Variants in PTGR2 observed in about 807,000 individuals in gnomAD.
PTGR2 encodes the protein prostaglandin reductase 2, also known as 15-oxoprostaglandin 13-reductase.
PTGR2 carries 32 observed loss-of-function variants against 43.4 expected under a neutral mutation model. That is an observed-to-expected ratio of 0.74 (90% confidence interval 0.56 to 0.99). PTGR2 has a LOEUF of 0.99. Among genes scored for constraint, PTGR2 ranks in the 50% least tolerant of loss-of-function variants. The probability of loss-of-function intolerance (pLI) is 0.00; values close to 1 mark genes in which losing one functional copy is unlikely to be tolerated. For missense variants in PTGR2, 373 were observed against 420.0 expected (o/e 0.89, Z 0.98); for synonymous variants, 106 against 139.2 (o/e 0.76, Z 1.68).
At chr14:73,855,662 T>C (rs2054328640) in intron 1 of PTGR2, among the ~76,000 whole-genome samples, 1 of 148,250 alleles carries the variant, frequency 6.7e-6, no homozygotes, top group Non-Finnish European at 1.5e-5. Flanking sequence ...GTCAGGCTGG[T>C]TGTGAACTCC....
Position 73,858,803 on chromosome 14 carries a change from T to G in PTGR2, c.-47-13T>G. On this transcript the variant is annotated splice_polypyrimidine_tract_variant and intron_variant, in intron 1 of 9. Coordinates refer to ENST00000555661, the MANE Select transcript of PTGR2 (RefSeq NM_001146154.2). ...CTTCAAATCTTGTGATTTAAAAATT[T>G]TTTTATTTATAGGAGTATTTTATAC... 7.3e-7 allele frequency: 1 copy of G among 1,362,934 alleles called. No homozygotes were observed. The highest frequency in any genetic ancestry group is 1.3e-5 in the South Asian group (1 of 75,092). 84.4% of individuals were successfully genotyped at this position (1,362,934 alleles called of 1,614,324 possible). A position where few individuals can be genotyped will look rare whatever the true frequency, so the allele number is the denominator to read the frequency against.
At chr14:73,877,383 G>A (rs749348284) in intron 5 of PTGR2, 2 of 404,874 alleles carry the variant, frequency 4.9e-6, no homozygotes, top group Non-Finnish European at 8.9e-6. Context: ...TCATGCCTTA[G>A]CCTCTAGAGT....
In PTGR2 at chr14:73,877,182, G is replaced by T. The variant is rs1216863593; in HGVS notation, c.519+14G>T. On this transcript the variant is annotated intron_variant, in intron 5 of 9. Coordinates refer to ENST00000555661, the MANE Select transcript of PTGR2 (RefSeq NM_001146154.2). ...GTGGCTGGGCAGGTAAACTTTCTGA[G>T]AATTATTTGATTTTCTGATTATTTG... is the stretch of plus-strand genomic sequence containing the variant. 6.3e-7 allele frequency: 1 copy of T among 1,592,962 alleles called. No homozygotes were observed. Among genetic ancestry groups the T allele is most frequent in the East Asian group, 2.2e-5 (1 of 44,672 alleles).
chr14:73,879,598 T>C, intron 6 of PTGR2: 1 of 357,092 alleles, frequency 2.8e-6, no homozygotes. Context: ...GCTGAAGCAC[T>C]GATCCCTAAC....
intron 1 of PTGR2, among the ~76,000 whole-genome samples, chr14:73,857,737 C>T (rs12878647): frequency 0.49 from 67,706 of 138,106 alleles, 16,643 homozygotes; most frequent in South Asian, 0.61. Flanking sequence ...GGTGCGATCT[C>T]GGCTCACTGC....
Position 73,860,611 on chromosome 14 carries a change from G to A in PTGR2, c.110G>A (p.Gly37Glu). 1.3e-6 allele frequency: 2 copies of A among 1,574,940 alleles called. No homozygotes were observed. The highest frequency in any genetic ancestry group is 2.3e-5 in the South Asian group (2 of 87,934). The change falls in exon 3 of 10, where the codon GGA (glycine) becomes GAA (glutamate). Residue 37 changes from glycine to glutamate, a missense_variant. Coordinates refer to ENST00000555661, the MANE Select transcript of PTGR2 (RefSeq NM_001146154.2). ...EVYLPDNINEGQVQVRTLYLS... is the reference protein window; with the variant it reads ...EVYLPDNINEEQVQVRTLYLS... ...TATTTACCAGATAATATTAATGAAGGACAAGTACAAGTTAGAACTCTTTAT... is the reference window on the plus strand; with the variant it reads ...TATTTACCAGATAATATTAATGAAGAACAAGTACAAGTTAGAACTCTTTAT...
chr14:73,863,592 A>G (rs1480589162), intron 3 of PTGR2, among the ~76,000 whole-genome samples: 1 of 150,422 alleles, frequency 6.6e-6, no homozygotes, highest in Non-Finnish European at 1.5e-5. Flanking sequence ...ATCTTTTGTC[A>G]TTTATACTCT....
At position 73,884,239 on chromosome 14, in the gene PTGR2, T is replaced by A; in HGVS notation, c.*62T>A. On this transcript the variant is annotated 3_prime_UTR_variant, in exon 10 of 10. Coordinates refer to ENST00000555661, the MANE Select transcript of PTGR2 (RefSeq NM_001146154.2). Reference sequence around the variant, plus strand: ...TTTCCATTTTGCATATTTTCAAAGATATGTTAAAAAATCCTTAGACTATAC... The same window carrying A: ...TTTCCATTTTGCATATTTTCAAAGAAATGTTAAAAAATCCTTAGACTATAC... The A allele has an allele frequency of 9.1e-7, 1 of 1,102,354 alleles. No individual in the cohort carries two copies. Among genetic ancestry groups the A allele is most frequent in the Admixed American group, 1.9e-5 (1 of 51,822 alleles). The allele number at this position is 1,102,354 out of a possible 1,614,324, so 68.3% of individuals were successfully genotyped here.
intron 8 of PTGR2, among the ~76,000 whole-genome samples, chr14:73,881,860 T>A (rs6574148): frequency 6.9e-6 from 1 of 145,894 alleles, no homozygotes; most frequent in Non-Finnish European, 1.5e-5. Flanking sequence ...CTCGGCTCAC[T>A]GCAACCTCCG....
At chr14:73,866,008 T>G (rs562750142) in intron 3 of PTGR2, among the ~76,000 whole-genome samples, 2 of 137,930 alleles carry the variant, frequency 1.5e-5, no homozygotes, top group African/African-American at 3.0e-5. Flanking sequence ...TCTGTTTTTC[T>G]TTTTTTTTTT....
At chr14:73,879,034 G>A (rs896657245) in intron 5 of PTGR2, 62 bp from the exon 6 acceptor site, 102 of 1,355,878 alleles carry the variant, frequency 7.5e-5, no homozygotes, top group Admixed American at 3.5e-5. Flanking sequence ...TTGTATACTG[G>A]TACATTTTTA....
chr14:73,871,242 G>C (rs1423634991), intron 3 of PTGR2, among the ~76,000 whole-genome samples: 5 of 151,738 alleles, frequency 3.3e-5, no homozygotes, highest in Non-Finnish European at 7.4e-5. Context: ...CTGAACACAT[G>C]GTGATTCCTG....
intron 9 of PTGR2, among the ~76,000 whole-genome samples, chr14:73,883,895 G>A (rs2055064183): frequency 6.6e-6 from 1 of 152,056 alleles, no homozygotes; most frequent in Non-Finnish European, 1.5e-5. Flanking sequence ...TTCCAGTATG[G>A]GCAAAACATT....
At position 73,882,410 on chromosome 14, in the gene PTGR2, G is replaced by A. The variant is rs780212945; in HGVS notation, c.951G>A (p.Thr317=). 151 of 1,571,078 alleles carry A rather than the reference G, an allele frequency of 9.6e-5. 1 individual carries two copies. In the South Asian group the frequency reaches 1.5e-3, roughly 15 times the overall value. The change falls in exon 9 of 10, where the codon ACG becomes ACA. Residue 317 remains threonine (T), a synonymous_variant. Transcript: ENST00000555661. ...FKEGKLKIKE[T]VINGLENMGA... ...ATTTTGATTTACAGATTAAAGAGAC[G>A]GTAATAAATGGGTTGGAAAACATGG...
At chr14:73,860,092 C>G (rs955941966) in intron 2 of PTGR2, among the ~76,000 whole-genome samples, 1 of 151,924 alleles carries the variant, frequency 6.6e-6, no homozygotes, top group Admixed American at 6.6e-5. Context: ...CGTGATCCAC[C>G]TGTTTCAGCC....
intron 3 of PTGR2, among the ~76,000 whole-genome samples, chr14:73,866,558 T>A (rs2054600071): frequency 6.6e-6 from 1 of 152,202 alleles, no homozygotes; most frequent in African/African-American, 2.4e-5. Context: ...TAGGGATTGC[T>A]TTGAGTCTGT....
intron 1 of PTGR2, among the ~76,000 whole-genome samples, chr14:73,857,828 C>T (rs1324757074): frequency 9.9e-5 from 15 of 151,600 alleles, no homozygotes; most frequent in Admixed American, 9.2e-4. Context: ...GCTACCACGC[C>T]TGGCTTATTT....
rs925523452 is a variant in PTGR2 at position 73,871,864 on chromosome 14, T to G, written c.157-2159T>G. ...TTTCCATTTTTCCTACTAGCTGTGT[T>G]TAAGTGCCCTTGGTCTGGCCAGTGT... On this transcript the variant is annotated intron_variant, in intron 3 of 9. Coordinates refer to ENST00000555661, the MANE Select transcript of PTGR2 (RefSeq NM_001146154.2). 3.9e-5 allele frequency among the ~76,000 whole-genome samples: 6 copies of G among 152,292 alleles called. No homozygotes were observed. The Middle Eastern group carries it at 0.01, about 259-fold the overall frequency.
In PTGR2 at chr14:73,880,188, C is replaced by T. The variant is rs950027763; in HGVS notation, c.851+12C>T. 8.7e-6 allele frequency: 14 copies of T among 1,613,232 alleles called. No individual in the cohort carries two copies. The highest frequency in any genetic ancestry group is 1.2e-5 in the Non-Finnish European group (14 of 1,179,464). The stretch of plus-strand genomic sequence containing the variant: ...AGAAACATCACAAGGTGTGTTCTTC[C>T]TCTTTGCCCTTATTACCAGGTTCAT... On this transcript the variant is annotated intron_variant, in intron 7 of 9. Transcript: ENST00000555661.
Sources: allele counts gnomAD v4.1 joint callset (sites outside exome capture counted in the v4.1 genomes callset), GRCh38; gene constraint gnomAD v4.1.1; transcripts MANE v1.5; gene names NCBI Gene and HGNC (gene_info 2026-07-23, HGNC 2026-07-21).